GALNT13: variants seen among roughly 807,000 people sequenced by gnomAD.
GALNT13 encodes UDP-GalNAc:polypeptide N-acetylgalactosaminyltransferase 13.
Under a neutral mutation model 64.2 loss-of-function variants are expected in GALNT13, and 28 were observed. The observed-to-expected ratio is 0.44, with a 90% CI of 0.32 to 0.60. GALNT13 has a LOEUF of 0.60. Among genes scored for constraint, GALNT13 ranks in the 20% least tolerant of loss-of-function variants. The pLI is 0.05. For synonymous variants in GALNT13, 214 were observed against 224.6 expected (o/e 0.95, Z 0.42); for missense variants, 577 against 669.8 (o/e 0.86, Z 1.53).
At chr2:154,378,797 C>G (rs1365782801) in intron 9 of GALNT13, among the ~76,000 whole-genome samples, 1 of 151,794 alleles carries the variant, frequency 6.6e-6, no homozygotes. Context: ...AATCGTACCC[C>G]ATAAGTATTT....
the GALNT13 span, among the ~76,000 whole-genome samples, chr2:153,771,943 C>G: frequency 6.6e-6 from 1 of 152,142 alleles, no homozygotes; most frequent in Admixed American, 6.5e-5. Context: ...CCCTGGTTGA[C>G]CAAGGGAGCA....
At chr2:153,686,120 G>C in the GALNT13 span, among the ~76,000 whole-genome samples, 3 of 151,698 alleles carry the variant, frequency 2.0e-5, no homozygotes, top group Non-Finnish European at 4.4e-5. Context: ...TTCCTTGGCT[G>C]TTCGGGCTCT....
At chr2:153,963,882 A>G (rs1693134168) in intron 3 of GALNT13, among the ~76,000 whole-genome samples, 1 of 152,002 alleles carries the variant, frequency 6.6e-6, no homozygotes, top group Admixed American at 6.6e-5. Flanking sequence ...AATGAGGTCT[A>G]TGAAAGAGCA....
At chr2:153,358,757 T>C in the GALNT13 span, among the ~76,000 whole-genome samples, 1 of 152,154 alleles carries the variant, frequency 6.6e-6, no homozygotes, top group Non-Finnish European at 1.5e-5. Context: ...CATATTTACC[T>C]GATGTTTCTT....
the GALNT13 span, among the ~76,000 whole-genome samples, chr2:153,534,670 G>T: frequency 6.6e-6 from 1 of 151,924 alleles, no homozygotes; most frequent in Non-Finnish European, 1.5e-5. Flanking sequence ...CAGTCAAAGG[G>T]GGTTTGTTCT....
chr2:153,873,427 G>A (rs913919361), intron 1 of GALNT13, among the ~76,000 whole-genome samples: 8 of 152,192 alleles, frequency 5.3e-5, no homozygotes, highest in African/African-American at 1.9e-4. Context: ...ATGGTTAGTT[G>A]AATTTCCAGG....
At chr2:154,427,611 C>G (rs1391337395) in intron 11 of GALNT13, among the ~76,000 whole-genome samples, 1 of 152,116 alleles carries the variant, frequency 6.6e-6, no homozygotes, top group Non-Finnish European at 1.5e-5. Context: ...ATGTTGAGGA[C>G]AGGATGAGAA....
rs78142983 is a variant in GALNT13, at chr2:154,146,673, C to T, written c.311+6168C>T. Reference sequence around the variant, plus strand: ...TACATTTGACTTATAAAAGCATCCCCCACTCTCATACCAGGAGGAGAAGAG... The same window carrying T: ...TACATTTGACTTATAAAAGCATCCCTCACTCTCATACCAGGAGGAGAAGAG... On this transcript the variant is annotated intron_variant, in intron 4 of 12. Coordinates refer to ENST00000392825, the MANE Select transcript of GALNT13 (RefSeq NM_052917.4). Among the ~76,000 whole-genome samples the T allele has an allele frequency of 6.6e-3, 999 of 152,144 alleles. 46 individuals are homozygous for T. In the South Asian group the frequency reaches 0.093, roughly 14 times the overall value.
At chr2:154,287,098 A>T (rs910464104) in intron 8 of GALNT13, 1 of 1,015,790 alleles carries the variant, frequency 9.8e-7, no homozygotes, top group Non-Finnish European at 1.5e-6. Flanking sequence ...GCAAGCAGCC[A>T]CCTTTGGATG....
At chr2:153,485,005 G>A in the GALNT13 span, among the ~76,000 whole-genome samples, 11 of 152,280 alleles carry the variant, frequency 7.2e-5, no homozygotes, top group East Asian at 2.1e-3. Flanking sequence ...TGAGCACCAA[G>A]AGTTATGATT....
At chr2:153,606,597 C>T in the GALNT13 span, among the ~76,000 whole-genome samples, 1 of 152,110 alleles carries the variant, frequency 6.6e-6, no homozygotes, top group Non-Finnish European at 1.5e-5. Context: ...ATTGGACACA[C>T]CTGCCCTAAA....
intron 2 of GALNT13, among the ~76,000 whole-genome samples, chr2:153,932,458 G>C (rs569787627): frequency 6.6e-6 from 1 of 151,960 alleles, no homozygotes; most frequent in Admixed American, 6.6e-5. Flanking sequence ...CTATGTCCCA[G>C]AGATTCTGGC....
chr2:153,523,508 G>C, the GALNT13 span, among the ~76,000 whole-genome samples: 1 of 152,106 alleles, frequency 6.6e-6, no homozygotes, highest in Non-Finnish European at 1.5e-5. Flanking sequence ...GAGTTTTATA[G>C]TTTTCCTCAG....
chr2:153,926,683 T>C (rs1488342235), intron 2 of GALNT13, among the ~76,000 whole-genome samples: 1 of 152,150 alleles, frequency 6.6e-6, no homozygotes, highest in African/African-American at 2.4e-5. Context: ...GAATAACCCT[T>C]GACAGTCCTT....
rs1519211 is a variant in GALNT13, at chr2:154,090,223, G to C, written c.143-50114G>C. 1.3e-3 allele frequency among the ~76,000 whole-genome samples: 190 copies of C among 151,890 alleles called. 2 individuals carry two copies. The highest frequency in any genetic ancestry group is 1.5e-3 in the Non-Finnish European group (103 of 67,918). ...AATATGGGGATATTTATGTTTATTG[G>C]AAATAAGGTGAAATAACTTTACTAA... is the stretch of plus-strand genomic sequence containing the variant. On this transcript the variant is annotated intron_variant, in intron 3 of 12. Coordinates refer to ENST00000392825, the MANE Select transcript of GALNT13 (RefSeq NM_052917.4).
the GALNT13 span, among the ~76,000 whole-genome samples, chr2:153,095,392 A>G: frequency 0.33 from 50,590 of 151,804 alleles, 9,292 homozygotes; most frequent in Non-Finnish European, 0.44. Flanking sequence ...GGAAACAACA[A>G]GTGCTGGAGA....
At chr2:153,240,054 G>A in the GALNT13 span, among the ~76,000 whole-genome samples, 1 of 151,994 alleles carries the variant, frequency 6.6e-6, no homozygotes, top group Non-Finnish European at 1.5e-5. Flanking sequence ...TGGTAGGTTG[G>A]TTATCTAGCA....
intron 3 of GALNT13, among the ~76,000 whole-genome samples, chr2:153,971,834 G>A (rs1204463855): frequency 6.6e-6 from 1 of 151,974 alleles, no homozygotes; most frequent in Non-Finnish European, 1.5e-5. Context: ...AAAAAATCAT[G>A]TCAACCTGGA....
the GALNT13 span, among the ~76,000 whole-genome samples, chr2:153,763,226 T>C: frequency 3.9e-5 from 6 of 152,314 alleles, no homozygotes; most frequent in African/African-American, 1.4e-4. Flanking sequence ...TGAATTTTTA[T>C]GCTTTTGTAT....
Sources: allele counts gnomAD v4.1 joint callset (sites outside exome capture counted in the v4.1 genomes callset), GRCh38; gene constraint gnomAD v4.1.1; transcripts MANE v1.5; gene names NCBI Gene and HGNC (gene_info 2026-07-23, HGNC 2026-07-21).